CFAP107: variants seen among roughly 807,000 people sequenced by gnomAD.
The protein encoded by CFAP107 is cilia and flagella associated protein 107, also known as cilia- and flagella-associated protein 107.
At chr1:12,750,251 A>G in the CFAP107 span, among the ~76,000 whole-genome samples, 14 of 152,222 alleles carry the variant, frequency 9.2e-5, no homozygotes, top group Admixed American at 6.5e-4. Flanking sequence ...AAAGAAAATA[A>G]TAAGGGAATC....
chr1:12,755,630 G>T, the CFAP107 span: 1 of 1,030,358 alleles, frequency 9.7e-7, no homozygotes, highest in Middle Eastern at 2.0e-4. Context: ...GGCCCAGGAG[G>T]TAAGGGGACC....
the CFAP107 span, chr1:12,759,367 A>T: frequency 6.2e-7 from 1 of 1,614,128 alleles, no homozygotes; most frequent in Admixed American, 1.7e-5. Context: ...TCGCTACCTG[A>T]TCAGCACCTA....
the CFAP107 span, among the ~76,000 whole-genome samples, chr1:12,748,461 TAAAAA>T: frequency 2.5e-5 from 3 of 121,992 alleles, no homozygotes; most frequent in African/African-American, 8.7e-5. Context: ...GTAGGGGAAT[TAAAAA>T]AAAAAAAAAA....
chr1:12,753,763 T>C, the CFAP107 span: 1 of 151,978 alleles, frequency 6.6e-6, no homozygotes, highest in Non-Finnish European at 1.5e-5. Context: ...ACTACAAAAC[T>C]CTTAGAAGAA....
chr1:12,759,625 C>T, the CFAP107 span: 3 of 967,376 alleles, frequency 3.1e-6, no homozygotes, highest in Admixed American at 2.0e-5. Context: ...ATAGTAGGGG[C>T]TGAGTTCTAT....
chr1:12,760,483 G>T, the CFAP107 span, among the ~76,000 whole-genome samples: 1 of 152,158 alleles, frequency 6.6e-6, no homozygotes, highest in African/African-American at 2.4e-5. Context: ...GACCAGCGAG[G>T]CCACGCACAA....
At chr1:12,756,555 T>A in the CFAP107 span, among the ~76,000 whole-genome samples, 6 of 152,194 alleles carry the variant, frequency 3.9e-5, no homozygotes, top group Non-Finnish European at 8.8e-5. Flanking sequence ...GGTGTGCAGC[T>A]GTGCTCTGTC....
chr1:12,746,559 G>C, the CFAP107 span: 1 of 1,571,382 alleles, frequency 6.4e-7, no homozygotes, highest in Non-Finnish European at 8.8e-7. Context: ...AACGAGAGAG[G>C]TTGGAGAGAG....
At chr1:12,759,682 A>G in the CFAP107 span, 25 of 685,106 alleles carry the variant, frequency 3.6e-5, no homozygotes, top group Non-Finnish European at 5.9e-5. Context: ...ACCTGGGGTA[A>G]TCTTGGCTGT....
At chr1:12,746,452 C>A in the CFAP107 span, 1 of 1,613,520 alleles carries the variant, frequency 6.2e-7, no homozygotes, top group Non-Finnish European at 8.5e-7. Context: ...TGCAGTAAAT[C>A]CACAGCCACT....
the CFAP107 span, among the ~76,000 whole-genome samples, chr1:12,750,700 C>G: frequency 6.6e-6 from 1 of 151,916 alleles, no homozygotes; most frequent in African/African-American, 2.4e-5. Context: ...CATGTACACA[C>G]CAAATATTAG....
chr1:12,760,318 T>TGCCA, the CFAP107 span, among the ~76,000 whole-genome samples: 1 of 152,196 alleles, frequency 6.6e-6, no homozygotes, highest in African/African-American at 2.4e-5. Context: ...CACAGAGCAG[T>TGCCA]GCCAGCTCTT....
the CFAP107 span, chr1:12,746,461 C>T: frequency 8.1e-6 from 13 of 1,613,688 alleles, no homozygotes; most frequent in Non-Finnish European, 1.1e-5. Flanking sequence ...TCCACAGCCA[C>T]TCTCTACTCC....
the CFAP107 span, chr1:12,760,683 C>T: frequency 1.4e-6 from 2 of 1,380,710 alleles, no homozygotes; most frequent in South Asian, 1.4e-5. Context: ...TCCAGGGCCC[C>T]TGCTGCCCAG....
chr1:12,760,708 G>A, the CFAP107 span: 9,092 of 1,527,620 alleles, frequency 6.0e-3, 423 homozygotes, highest in African/African-American at 0.11. Flanking sequence ...GTGGCCATTG[G>A]CCATTTAGAG....
At chr1:12,760,870 A>G in the CFAP107 span, 2 of 1,614,052 alleles carry the variant, frequency 1.2e-6, no homozygotes, top group Middle Eastern at 1.6e-4. Flanking sequence ...CCTACCCCAG[A>G]CCACCGTTGT....
At chr1:12,759,517 C>T in the CFAP107 span, 10 of 1,613,276 alleles carry the variant, frequency 6.2e-6, no homozygotes, top group East Asian at 2.2e-5. Flanking sequence ...TATTCCTCTG[C>T]GTTGGTCTGT....
At chr1:12,751,862 G>A in the CFAP107 span, among the ~76,000 whole-genome samples, 1 of 152,210 alleles carries the variant, frequency 6.6e-6, no homozygotes, top group East Asian at 1.9e-4. Flanking sequence ...AATTCTCCAT[G>A]AAATGGAGAA....
the CFAP107 span, chr1:12,760,958 C>A: frequency 1.2e-5 from 20 of 1,605,508 alleles, no homozygotes; most frequent in Non-Finnish European, 3.4e-6. Flanking sequence ...CTGAGAGCTG[C>A]CACCCCAGGA....
Sources: allele counts gnomAD v4.1 joint callset (sites outside exome capture counted in the v4.1 genomes callset), GRCh38; gene constraint gnomAD v4.1.1; transcripts MANE v1.5; gene names NCBI Gene and HGNC (gene_info 2026-07-23, HGNC 2026-07-21).